The following ASTN2 variants were observed in gnomAD, a reference collection of about 807,000 sequenced individuals.
The protein encoded by ASTN2 is astrotactin 2.
A neutral mutation model predicts 139.8 loss-of-function variants in ASTN2; 54 were observed. The ratio of observed to expected loss-of-function variants is 0.39; its 90% confidence interval spans 0.31 to 0.48. The LOEUF (loss-of-function observed/expected upper bound fraction) is 0.48. Among genes scored for constraint, ASTN2 ranks in the 20% least tolerant of loss-of-function variants. ASTN2 has a pLI of 0.95. For missense variants in ASTN2, 1,565 were observed against 1,725.1 expected (o/e 0.91, Z 1.64); for synonymous variants, 756 against 719.5 (o/e 1.05, Z -0.81).
At chr9:116,931,219 C>T (rs909223600) in intron 10 of ASTN2, among the ~76,000 whole-genome samples, 2 of 152,172 alleles carry the variant, frequency 1.3e-5, no homozygotes, top group African/African-American at 2.4e-5. Flanking sequence ...TATCGCTAAG[C>T]CTCATCATTC....
At chr9:117,037,402 T>TA (rs941404516) in intron 6 of ASTN2, among the ~76,000 whole-genome samples, 12 of 152,136 alleles carry the variant, frequency 7.9e-5, no homozygotes, top group Non-Finnish European at 1.8e-4. Context: ...ATGACCATGA[T>TA]AAAAAAGTAG....
intron 12 of ASTN2, among the ~76,000 whole-genome samples, chr9:116,812,886 CA>C (rs1422276661): frequency 2.0e-5 from 3 of 151,976 alleles, no homozygotes; most frequent in Non-Finnish European, 2.9e-5. Flanking sequence ...AGGAGAGATT[CA>C]GGGGGAAAAA....
intron 2 of ASTN2, among the ~76,000 whole-genome samples, chr9:117,224,336 A>C (rs1196583945): frequency 2.0e-5 from 3 of 152,244 alleles, no homozygotes; most frequent in African/African-American, 7.2e-5. Flanking sequence ...TGTATAACAC[A>C]GTTAGCTAAT....
intron 5 of ASTN2, among the ~76,000 whole-genome samples, chr9:117,056,951 T>A (rs1345809398): frequency 6.6e-6 from 1 of 152,176 alleles, no homozygotes; most frequent in Non-Finnish European, 1.5e-5. Context: ...TCCCCATATG[T>A]AAAACAGAAC....
intron 1 of ASTN2, among the ~76,000 whole-genome samples, chr9:117,409,971 T>C (rs1831116595): frequency 6.6e-6 from 1 of 152,180 alleles, no homozygotes; most frequent in Non-Finnish European, 1.5e-5. Flanking sequence ...AAGCAGCCTT[T>C]GGGATGGTCC....
chr9:116,704,811 TTAAAG>T (rs112328288), intron 16 of ASTN2, among the ~76,000 whole-genome samples: 21,529 of 152,064 alleles, frequency 0.14, 1,583 homozygotes, highest in Middle Eastern at 0.2. Flanking sequence ...AATCATTTGA[TTAAAG>T]TAATTAAGAT....
At chr9:117,090,649 C>CA (rs1199239408) in intron 5 of ASTN2, among the ~76,000 whole-genome samples, 2 of 152,266 alleles carry the variant, frequency 1.3e-5, no homozygotes, top group Admixed American at 1.3e-4. Flanking sequence ...GGGTAAGACC[C>CA]AGCACCTTCC....
intron 10 of ASTN2, among the ~76,000 whole-genome samples, chr9:116,956,443 T>C (rs1835710678): frequency 1.4e-5 from 2 of 147,722 alleles, no homozygotes; most frequent in Admixed American, 6.8e-5. Flanking sequence ...ATATATATTA[T>C]ATATAATATA....
intron 11 of ASTN2, among the ~76,000 whole-genome samples, chr9:116,822,203 A>AC (rs1831505216): frequency 6.6e-6 from 1 of 152,104 alleles, no homozygotes; most frequent in African/African-American, 2.4e-5. Flanking sequence ...CAAAAAAAAA[A>AC]AGGTCAGCCC....
intron 5 of ASTN2, among the ~76,000 whole-genome samples, chr9:117,063,435 T>C (rs528851768): frequency 1.3e-5 from 2 of 152,326 alleles, no homozygotes; most frequent in South Asian, 4.1e-4. Flanking sequence ...TGAGATCTGA[T>C]GGTTTGATAA....
chr9:116,728,503 G>T (rs1384322260), intron 15 of ASTN2, among the ~76,000 whole-genome samples: 1 of 152,112 alleles, frequency 6.6e-6, no homozygotes, highest in Non-Finnish European at 1.5e-5. Context: ...AGTTCATGTG[G>T]ATATAATGTG....
At chr9:116,827,637 A>G (rs563677836) in intron 11 of ASTN2, among the ~76,000 whole-genome samples, 1 of 152,242 alleles carries the variant, frequency 6.6e-6, no homozygotes, top group East Asian at 1.9e-4. Context: ...CTTAGAAAAA[A>G]ATGAATATAT....
chr9:116,553,480 G>C (rs540702129), intron 19 of ASTN2, among the ~76,000 whole-genome samples: 8 of 152,248 alleles, frequency 5.3e-5, no homozygotes, highest in Non-Finnish European at 1.2e-4. Flanking sequence ...GCACAGAAAC[G>C]ATGTGTCCAG....
chr9:116,775,833 AAGGCAGGCAGGC>A (rs138579572), intron 13 of ASTN2, among the ~76,000 whole-genome samples: 84 of 149,276 alleles, frequency 5.6e-4, no homozygotes, highest in African/African-American at 2.0e-3. Flanking sequence ...GAAAGGAAGG[AAGGCAGGCAGGC>A]AGGCAGGCAG....
intron 1 of ASTN2, among the ~76,000 whole-genome samples, chr9:117,312,749 T>C (rs1374895430): frequency 1.3e-5 from 2 of 152,176 alleles, no homozygotes; most frequent in Non-Finnish European, 2.9e-5. Flanking sequence ...TCCGTAACTT[T>C]GAACACAACC....
chr9:117,358,013 A>ATTTGT (rs1829589425), intron 1 of ASTN2, among the ~76,000 whole-genome samples: 1 of 152,108 alleles, frequency 6.6e-6, no homozygotes, highest in Non-Finnish European at 1.5e-5. Flanking sequence ...TGTATATGTA[A>ATTTGT]AGTTGAAGTT....
At chr9:117,355,795 G>A (rs1007885825) in intron 1 of ASTN2, among the ~76,000 whole-genome samples, 2 of 152,186 alleles carry the variant, frequency 1.3e-5, no homozygotes, top group African/African-American at 4.8e-5. Context: ...AAAGCTGGAG[G>A]CAGAGGCCGG....
intron 17 of ASTN2, among the ~76,000 whole-genome samples, chr9:116,648,946 ATTGT>A (rs1381133202): frequency 2.6e-5 from 4 of 151,994 alleles, no homozygotes; most frequent in Non-Finnish European, 4.4e-5. Flanking sequence ...AGGCAGAAGA[ATTGT>A]TTGAACCCAG....
At chr9:116,576,114 C>T (rs2131700617) in intron 19 of ASTN2, among the ~76,000 whole-genome samples, 1 of 152,274 alleles carries the variant, frequency 6.6e-6, no homozygotes, top group South Asian at 2.1e-4. Flanking sequence ...TTGAACTCTC[C>T]CTTTTACAGG....
Sources: gnomAD v4.1 joint callset for allele counts (sites outside exome capture counted in the v4.1 genomes callset) on GRCh38, gnomAD v4.1.1 for gene constraint, MANE v1.5 for transcripts, NCBI Gene and HGNC (gene_info 2026-07-23, HGNC 2026-07-21) for gene names.